ADGRV1: variants seen among roughly 807,000 people sequenced by gnomAD.
ADGRV1 encodes adhesion G protein-coupled receptor V1.
Under a neutral mutation model 596.2 loss-of-function variants are expected in ADGRV1, and 359 were observed. The ratio of observed to expected loss-of-function variants is 0.60; its 90% CI spans 0.55 to 0.66. The LOEUF (loss-of-function observed/expected upper bound fraction) is 0.66. Among genes scored for constraint, ADGRV1 ranks in the 30% least tolerant of loss-of-function variants. The pLI is 0.00. For synonymous variants in ADGRV1, 2,681 were observed against 2,679.2 expected, an observed-to-expected ratio of 1.00 and a Z score of -0.02; for missense variants, 7,274 against 7,575.6, an observed-to-expected ratio of 0.96 and a Z score of 1.48.
chr5:91,089,135 TTA>T (rs1790164076), intron 86 of ADGRV1, among the ~76,000 whole-genome samples: 2 of 152,134 alleles, frequency 1.3e-5, no homozygotes, highest in African/African-American at 2.4e-5. Flanking sequence ...TAATAAGCCT[TTA>T]TATAACACAG....
At chr5:90,592,122 C>A (rs1225880724) in intron 1 of ADGRV1, among the ~76,000 whole-genome samples, 2 of 152,158 alleles carry the variant, frequency 1.3e-5, no homozygotes, top group African/African-American at 2.4e-5. Flanking sequence ...GGGTATCAAC[C>A]CAGAGGAAAA....
intron 78 of ADGRV1, among the ~76,000 whole-genome samples, chr5:90,847,536 G>A (rs1214579959): frequency 1.3e-5 from 2 of 152,338 alleles, no homozygotes; most frequent in East Asian, 3.9e-4. Flanking sequence ...GCCCTTGGGC[G>A]GTTGATGGGA....
At chr5:90,990,286 G>A (rs1780858198) in intron 85 of ADGRV1, among the ~76,000 whole-genome samples, 1 of 151,942 alleles carries the variant, frequency 6.6e-6, no homozygotes, top group South Asian at 2.1e-4. Flanking sequence ...TATAGCCTTG[G>A]TAGACTCACA....
rs1180592664 is a variant in ADGRV1 at position 90,854,120 on chromosome 5, T to C, written c.17513T>C (p.Val5838Ala). The C allele has an allele frequency of 1.9e-6, 3 of 1,579,802 alleles. No individual in the cohort carries two copies. The highest frequency in any genetic ancestry group is 3.4e-4 in the Middle Eastern group (2 of 5,960). The change falls in exon 81 of 90, where the codon GTT becomes GCT. Residue 5838 changes from valine to alanine, a missense_variant. Physicochemically the swap from Val to Ala is moderately conservative, Grantham distance 64. Coordinates refer to ENST00000405460, the MANE Select transcript of ADGRV1 (RefSeq NM_032119.4). ...SSQLLTNDNE[V>A]LYRIYAAEPR... ...CAACTCCTGACTAATGACAATGAGG[T>C]TCTCTACAGGATTTATGCTGCTGAG...
intron 87 of ADGRV1, among the ~76,000 whole-genome samples, chr5:91,129,408 A>G (rs73771189): frequency 0.011 from 1,602 of 152,310 alleles, 37 homozygotes; most frequent in African/African-American, 0.037. Context: ...AATGATGGGT[A>G]GGGTATAGTA....
At chr5:90,687,261 G>A (rs1729782276) in intron 29 of ADGRV1, among the ~76,000 whole-genome samples, 1 of 152,138 alleles carries the variant, frequency 6.6e-6, no homozygotes, top group Non-Finnish European at 1.5e-5. Flanking sequence ...ATTGCTTTTG[G>A]TGTTTTAGAC....
chr5:90,970,005 A>C (rs984566263), intron 84 of ADGRV1, among the ~76,000 whole-genome samples: 5 of 152,212 alleles, frequency 3.3e-5, no homozygotes, highest in African/African-American at 1.2e-4. Context: ...CAGTACCTGG[A>C]AAATCGGATC....
chr5:90,917,621 T>C (rs1239000859), intron 83 of ADGRV1, among the ~76,000 whole-genome samples: 1 of 152,206 alleles, frequency 6.6e-6, no homozygotes, highest in East Asian at 1.9e-4. Context: ...GTTTCCTGTA[T>C]AATTGAGAGA....
At chr5:90,627,961 C>CACA (rs1491307206) in intron 7 of ADGRV1, 185 bp downstream of exon 7, 3 of 384,872 alleles carry the variant, frequency 7.8e-6, no homozygotes, top group Non-Finnish European at 1.4e-5. Context: ...CACACACACA[C>CACA]AAGAATATGT....
chr5:90,902,618 A>G (rs1013625961), intron 83 of ADGRV1, among the ~76,000 whole-genome samples: 7 of 152,148 alleles, frequency 4.6e-5, no homozygotes, highest in African/African-American at 1.4e-4. Flanking sequence ...TTGTTGTCTT[A>G]CTTGTGCAAT....
At chr5:91,140,032 G>A (rs1794965854) in intron 87 of ADGRV1, among the ~76,000 whole-genome samples, 1 of 152,148 alleles carries the variant, frequency 6.6e-6, no homozygotes, top group African/African-American at 2.4e-5. Flanking sequence ...TGAGCACTCA[G>A]CTTTTTTTCT....
intron 83 of ADGRV1, among the ~76,000 whole-genome samples, chr5:90,884,623 G>A (rs1163879483): frequency 1.3e-5 from 2 of 152,074 alleles, no homozygotes. Flanking sequence ...GACTGTCTTG[G>A]TGATTACTCT....
intron 84 of ADGRV1, among the ~76,000 whole-genome samples, chr5:90,975,627 C>G (rs534909721): frequency 1.3e-5 from 2 of 152,270 alleles, no homozygotes; most frequent in Admixed American, 6.5e-5. Context: ...ACCGCATGTT[C>G]TCACTCATAG....
chr5:90,635,845 T>G (rs57437217), intron 10 of ADGRV1, among the ~76,000 whole-genome samples: 27,450 of 151,906 alleles, frequency 0.18, 2,679 homozygotes, highest in East Asian at 0.4. Context: ...TCCACCTCCC[T>G]TGGCCTTCCA....
Position 90,694,633 on chromosome 5 carries a change from T to G in ADGRV1, c.7877T>G (p.Val2626Gly). ...GGTCAAGTGGCAGTCGAATGGCGTG[T>G]TGTTGGTGGAACAGCTACTGAAGGT... ...SLGQVAVEWR[V>G]VGGTATEGLD... Residue 2626 changes from valine (V) to glycine (G), a missense_variant, in exon 33 of 90, where the codon GTT becomes GGT. Transcript: ENST00000405460. The G allele has an allele frequency of 6.2e-7, 1 of 1,613,508 alleles. No individual in the cohort carries two copies. The highest frequency in any genetic ancestry group is 8.5e-7 in the Non-Finnish European group (1 of 1,179,656).
chr5:90,920,849 TAAC>T (rs1427755555), intron 83 of ADGRV1, among the ~76,000 whole-genome samples: 6 of 152,224 alleles, frequency 3.9e-5, no homozygotes, highest in Non-Finnish European at 7.4e-5. Context: ...TGTCATTAAT[TAAC>T]TACTGGCTGT....
At chr5:90,914,896 C>A (rs1371090470) in intron 83 of ADGRV1, among the ~76,000 whole-genome samples, 2 of 152,160 alleles carry the variant, frequency 1.3e-5, no homozygotes, top group Non-Finnish European at 2.9e-5. Context: ...CTCTAAGTAA[C>A]CACTGGAGCA....
intron 9 of ADGRV1, among the ~76,000 whole-genome samples, chr5:90,632,296 G>A (rs1054217513): frequency 2.6e-5 from 4 of 152,108 alleles, no homozygotes; most frequent in African/African-American, 4.8e-5. Flanking sequence ...GGGCATTCTG[G>A]CATATGTGGA....
chr5:90,841,662 T>G (rs1005905103), intron 78 of ADGRV1, among the ~76,000 whole-genome samples: 2 of 152,196 alleles, frequency 1.3e-5, no homozygotes, highest in African/African-American at 4.8e-5. Flanking sequence ...TTTGGAGGTT[T>G]ACTTTGGGCT....
Sources: allele counts gnomAD v4.1 joint callset (sites outside exome capture counted in the v4.1 genomes callset), GRCh38; gene constraint gnomAD v4.1.1; transcripts MANE v1.5; gene names NCBI Gene and HGNC (gene_info 2026-07-23, HGNC 2026-07-21).